PIK3CG: variants seen among roughly 807,000 people sequenced by gnomAD.
PIK3CG encodes phosphatidylinositol-4,5-bisphosphate 3-kinase catalytic subunit gamma, also known as phosphatidylinositol 4,5-bisphosphate 3-kinase catalytic subunit gamma isoform.
In PIK3CG, 55 loss-of-function variants were observed where a neutral mutation model predicts 102.3. The observed-to-expected ratio is 0.54, with a 90% CI of 0.43 to 0.67. PIK3CG has a LOEUF of 0.67. PIK3CG is among the 30% of genes least tolerant of loss of function. PIK3CG has a pLI of 0.00. For missense variants in PIK3CG, 1,258 were observed against 1,391.8 expected (o/e 0.90, Z 1.53); for synonymous variants, 552 against 540.0 (o/e 1.02, Z -0.31).
rs761866043 is a variant in PIK3CG, at chr7:106,874,708, C to T, written c.2296C>T (p.Gln766Ter). The change falls in exon 5 of 11, where the codon CAA (glutamine) becomes TAA (stop). Residue 766 changes from glutamine to a stop codon, truncating the protein, a stop_gained. Transcript: ENST00000496166. LOFTEE classifies it high-confidence loss of function. This position sits in a 1 kb window ranked among gnomAD's most constrained non-coding sequence, Gnocchi z 4.3. ...ACTTTTGACAATTACAGTTATTTCACAACTTAAACAAAAGCTTGAAAACCT... is the reference window on the plus strand; with the variant it reads ...ACTTTTGACAATTACAGTTATTTCATAACTTAAACAAAAGCTTGAAAACCT... The part of the protein sequence containing the change: ...KYDVSSQVIS[Q>*]LKQKLENLQN... 2.5e-6 allele frequency: 4 copies of T among 1,608,866 alleles called. No homozygotes were observed. Among genetic ancestry groups the T allele is most frequent in the Non-Finnish European group, 3.4e-6 (4 of 1,175,266 alleles).
In PIK3CG at chr7:106,903,842, T is replaced by G. The variant is rs1454707222; in HGVS notation, c.3031-1267T>G. ...GGAGTGATCTCAGCTCACTGCAACC[T>G]CTACCTCCCAGGTTCAAGCAATTCT... On this transcript the variant is annotated intron_variant, in intron 10 of 10. Transcript: ENST00000496166. The surrounding 1 kb of genome is among the most constrained non-coding windows in gnomAD (Gnocchi z 4.3). Among the ~76,000 whole-genome samples the G allele has an allele frequency of 6.6e-6, 1 of 152,130 alleles. No homozygotes were observed. The highest frequency in any genetic ancestry group is 2.4e-5 in the African/African-American group (1 of 41,436).
chr7:106,870,663 G>T (rs1242369777), intron 2 of PIK3CG, among the ~76,000 whole-genome samples: 2 of 152,184 alleles, frequency 1.3e-5, no homozygotes, highest in Non-Finnish European at 2.9e-5. Flanking sequence ...TTTGACCTGA[G>T]ATCTTTAGGA....
In PIK3CG at chr7:106,882,111, GC is replaced by G; in HGVS notation, c.2539-3del. ...AATATAAACATTTCTGTGTTTCGAT[GC>G]CCAGATTCTACGAATCATGGAGTCT... On this transcript the variant is annotated splice_region_variant and splice_polypyrimidine_tract_variant and intron_variant, in intron 6 of 10. Transcript: ENST00000496166. 1 of 1,420,278 alleles carries G rather than the reference GC, an allele frequency of 7.0e-7. No individual in the cohort carries two copies. Among genetic ancestry groups the G allele is most frequent in the Non-Finnish European group, 9.4e-7 (1 of 1,062,776 alleles). 88.0% of individuals were successfully genotyped at this position (1,420,278 alleles called of 1,614,324 possible). A position where few individuals can be genotyped will look rare whatever the true frequency, so the allele number is the denominator to read the frequency against.
At chr7:106,896,725 G>A (rs1315437687) in intron 10 of PIK3CG, among the ~76,000 whole-genome samples, 1 of 152,176 alleles carries the variant, frequency 6.6e-6, no homozygotes, top group Non-Finnish European at 1.5e-5. Context: ...GGGATGGTAG[G>A]CAAGGGAGAG....
chr7:106,908,864 G>C lies in PIK3CG; in HGVS notation c.*3477G>C, dbSNP rs766407996. Among the ~76,000 whole-genome samples, 7 of 152,118 alleles carry C rather than the reference G, an allele frequency of 4.6e-5. No homozygotes were observed. The highest frequency in any genetic ancestry group is 1.0e-4 in the Non-Finnish European group (7 of 68,020). ...ATGATTTTGAAATAAATCATAATTA[G>C]ACTTAACAATATGGAGAAAATAAAC... On this transcript the variant is annotated 3_prime_UTR_variant, in exon 11 of 11. Coordinates refer to ENST00000496166, the MANE Select transcript of PIK3CG (RefSeq NM_001282426.2). This position sits in a 1 kb window ranked among gnomAD's most constrained non-coding sequence, Gnocchi z 4.1.
In PIK3CG at chr7:106,908,428, G is replaced by A. The variant is rs908590817; in HGVS notation, c.*3041G>A. Among the ~76,000 whole-genome samples, 1 of 152,114 alleles carries A rather than the reference G, an allele frequency of 6.6e-6. No homozygotes were observed. The highest frequency in any genetic ancestry group is 2.4e-5 in the African/African-American group (1 of 41,422). Reference sequence around the variant, plus strand: ...AATACCTCATCTCTATGGCTCTATGGCTGTACATTAGGACCTAGAACAGTG... The same window carrying A: ...AATACCTCATCTCTATGGCTCTATGACTGTACATTAGGACCTAGAACAGTG... On this transcript the variant is annotated 3_prime_UTR_variant, in exon 11 of 11. Transcript: ENST00000496166. This position sits in a 1 kb window ranked among gnomAD's most constrained non-coding sequence, Gnocchi z 4.1.
rs1791488562 is a variant in PIK3CG at position 106,899,380 on chromosome 7, C to T, written c.3031-5729C>T. On this transcript the variant is annotated intron_variant, in intron 10 of 10. Transcript: ENST00000496166. The surrounding 1 kb of genome is among the most constrained non-coding windows in gnomAD (Gnocchi z 4.6). ...TCTTCCTCTTGCCTGATTGCTCTGG[C>T]CAGGACTTCCAATACTATGTTGAAT... Among the ~76,000 whole-genome samples the T allele has an allele frequency of 6.6e-6, 1 of 152,170 alleles. No individual in the cohort carries two copies. The highest frequency in any genetic ancestry group is 2.4e-5 in the African/African-American group (1 of 41,434).
At chr7:106,876,533 A>G (rs1790748857) in intron 5 of PIK3CG, among the ~76,000 whole-genome samples, 1 of 150,394 alleles carries the variant, frequency 6.6e-6, no homozygotes, top group African/African-American at 2.4e-5. Flanking sequence ...CTGGGACTAC[A>G]GGTGCCCGCC....
Position 106,870,629 on chromosome 7 carries a change from C to T in PIK3CG, c.1995+1073C>T, listed in dbSNP as rs551574589. ...ACACTTAATTTTGATTAAGAGACCC[C>T]GGGACAGTTCTGAGTAAGTGACATT... On this transcript the variant is annotated intron_variant, in intron 2 of 10. Coordinates refer to ENST00000496166, the MANE Select transcript of PIK3CG (RefSeq NM_001282426.2). Among the ~76,000 whole-genome samples the T allele has an allele frequency of 4.6e-5, 7 of 152,236 alleles. No individual in the cohort carries two copies. In the South Asian group the frequency reaches 6.2e-4, roughly 14 times the overall value.
At position 106,879,739 on chromosome 7, in the gene PIK3CG, A is replaced by C. The variant is rs78704990; in HGVS notation, c.2538+74A>C. 9.1e-7 allele frequency: 1 copy of C among 1,098,924 alleles called. No individual in the cohort carries two copies. The highest frequency in any genetic ancestry group is 1.4e-5 in the South Asian group (1 of 73,502). The allele number at this position is 1,098,924 out of a possible 1,614,324, so 68.1% of individuals were successfully genotyped here. On this transcript the variant is annotated intron_variant, in intron 6 of 10. Coordinates refer to ENST00000496166, the MANE Select transcript of PIK3CG (RefSeq NM_001282426.2). The surrounding 1 kb of genome is among the most constrained non-coding windows in gnomAD (Gnocchi z 4.9). The stretch of plus-strand genomic sequence containing the variant: ...TTACATCAAAAACATGCTTTCTCCT[A>C]CTGGCTCTATTCCCACTCTCTTCTT...
chr7:106,891,412 A>T lies in PIK3CG; in HGVS notation c.3030+5120A>T, dbSNP rs1419019479. Among the ~76,000 whole-genome samples, 3 of 152,224 alleles carry T rather than the reference A, an allele frequency of 2.0e-5. No homozygotes were observed. Among genetic ancestry groups the T allele is most frequent in the Non-Finnish European group, 4.4e-5 (3 of 68,042 alleles). ...TAAATAATACAAATATGTGAGTGTA[A>T]TATGGTACATATTCACATTTTTGTA... On this transcript the variant is annotated intron_variant, in intron 10 of 10. Transcript: ENST00000496166. The surrounding 1 kb of genome is among the most constrained non-coding windows in gnomAD (Gnocchi z 4.4).
Position 106,890,758 on chromosome 7 carries a change from T to G in PIK3CG, c.3030+4466T>G, listed in dbSNP as rs772579801. ...TGTCATTCTGAATAAAATCTAAATA[T>G]CCAGGCTTGGCCTGCTAGGCCCTGT... On this transcript the variant is annotated intron_variant, in intron 10 of 10. Coordinates refer to ENST00000496166, the MANE Select transcript of PIK3CG (RefSeq NM_001282426.2). This position sits in a 1 kb window ranked among gnomAD's most constrained non-coding sequence, Gnocchi z 4.2. Among the ~76,000 whole-genome samples the G allele has an allele frequency of 6.6e-6, 1 of 152,226 alleles. No individual in the cohort carries two copies. The highest frequency in any genetic ancestry group is 1.5e-5 in the Non-Finnish European group (1 of 68,034).
chr7:106,876,637 G>A (rs924228999), intron 5 of PIK3CG, among the ~76,000 whole-genome samples: 4 of 146,504 alleles, frequency 2.7e-5, no homozygotes, highest in African/African-American at 5.0e-5. Context: ...TCCTGACCTC[G>A]TGATCCACCT....
Position 106,868,967 on chromosome 7 carries a change from T to C in PIK3CG, c.1406T>C (p.Ile469Thr), listed in dbSNP as rs368931206. Residue 469 changes from isoleucine to threonine, a missense_variant, in exon 2 of 11, where the codon ATA becomes ACA. Physicochemically the swap from Ile to Thr is moderately conservative, Grantham distance 89. This residue lies in a region of PIK3CG where 832 missense variants were observed against 787.5 expected (regional missense o/e 1.06). Coordinates refer to ENST00000496166, the MANE Select transcript of PIK3CG (RefSeq NM_001282426.2). This position sits in a 1 kb window ranked among gnomAD's most constrained non-coding sequence, Gnocchi z 6.2. ...CTCTATTATGTGAACCTGCTGCTGA[T>C]AGACCACCGTTTCCTCCTGCGCCGT... ...QLLYYVNLLL[I>T]DHRFLLRRGE... The C allele has an allele frequency of 3.1e-6, 5 of 1,614,138 alleles. No homozygotes were observed. The highest frequency in any genetic ancestry group is 4.2e-6 in the Non-Finnish European group (5 of 1,180,018).
rs2116547734 is a variant in PIK3CG at position 106,883,258 on chromosome 7, C to A, written c.2760+95C>A. The A allele has an allele frequency of 7.6e-7, 1 of 1,307,558 alleles. No homozygotes were observed. Among genetic ancestry groups the A allele is most frequent in the Non-Finnish European group, 1.1e-6 (1 of 919,850 alleles). 81.0% of individuals were successfully genotyped at this position (1,307,558 alleles called of 1,614,324 possible). On this transcript the variant is annotated intron_variant, in intron 8 of 10. Transcript: ENST00000496166. This position sits in a 1 kb window ranked among gnomAD's most constrained non-coding sequence, Gnocchi z 5.8. ...AAGTTTTCAGAGAATCTGCCAGTGTCTTGCCTCCTGACATATTAGTGAAGT... is the reference window on the plus strand; with the variant it reads ...AAGTTTTCAGAGAATCTGCCAGTGTATTGCCTCCTGACATATTAGTGAAGT...
chr7:106,886,401 A>G (rs1791095031), intron 10 of PIK3CG, 109 bp downstream of exon 10: 1 of 1,025,556 alleles, frequency 9.8e-7, no homozygotes, highest in Middle Eastern at 2.5e-4. Context: ...TCCAGCCTCT[A>G]CCCCTACCCT....
chr7:106,879,555 C>A lies in PIK3CG; in HGVS notation c.2428C>A (p.Pro810Thr), dbSNP rs759433704. 6.2e-7 allele frequency: 1 copy of A among 1,613,616 alleles called. No homozygotes were observed. The highest frequency in any genetic ancestry group is 1.1e-5 in the South Asian group (1 of 91,068). ...TAAAGTAATGGCCTCCAAGAAAAAA[C>A]CACTATGGCTTGAGTTTAAATGTGC... ...KCKVMASKKK[P>T]LWLEFKCADP... The change falls in exon 6 of 11, where the codon CCA becomes ACA. Residue 810 changes from proline (P) to threonine (T), a missense_variant. Coordinates refer to ENST00000496166, the MANE Select transcript of PIK3CG (RefSeq NM_001282426.2). This position sits in a 1 kb window ranked among gnomAD's most constrained non-coding sequence, Gnocchi z 4.9.
chr7:106,882,643 CAT>C (rs977958361), intron 7 of PIK3CG: 30 of 180,308 alleles, frequency 1.7e-4, no homozygotes, highest in Admixed American at 3.1e-4. Context: ...TTCAGTCAAA[CAT>C]ATGTTTATTC....
rs1790412855 is a variant in PIK3CG at position 106,868,648 on chromosome 7, G to T, written c.1087G>T (p.Val363Phe). Residue 363 changes from valine (V) to phenylalanine (F), a missense_variant, in exon 2 of 11, where the codon GTC becomes TTC. Val to Phe is a conservative substitution (Grantham distance 50). Coordinates refer to ENST00000496166, the MANE Select transcript of PIK3CG (RefSeq NM_001282426.2). The surrounding 1 kb of genome is among the most constrained non-coding windows in gnomAD (Gnocchi z 6.2). ...SLWDCDRKFRVKIRGIDIPVL... is the reference protein window; with the variant it reads ...SLWDCDRKFRFKIRGIDIPVL... ...GTGGGACTGCGACCGCAAGTTCAGG[G>T]TCAAGATCAGAGGCATTGATATCCC... 6.2e-7 allele frequency: 1 copy of T among 1,614,084 alleles called. No homozygotes were observed. The highest frequency in any genetic ancestry group is 1.1e-5 in the South Asian group (1 of 91,088).
Sources: gnomAD v4.1 joint callset for allele counts (sites outside exome capture counted in the v4.1 genomes callset) on GRCh38, gnomAD v4.1.1 for gene constraint, gnomAD v4.1.1 regional missense constraint, Gnocchi (gnomAD v3.1) non-coding constraint, MANE v1.5 for transcripts, NCBI Gene and HGNC (gene_info 2026-07-23, HGNC 2026-07-21) for gene names.